Variants in HMCN1 observed in about 807,000 individuals in gnomAD.
HMCN1 encodes the protein hemicentin 1.
A neutral mutation model predicts 625.9 loss-of-function variants in HMCN1; 321 were observed. The observed-to-expected ratio is 0.51, with a 90% CI of 0.47 to 0.56. The LOEUF (loss-of-function observed/expected upper bound fraction) is 0.56, where lower values mean the gene tolerates loss of function less well. Among genes scored for constraint, HMCN1 ranks in the 20% least tolerant of loss-of-function variants. HMCN1 has a pLI of 0.00. For missense variants in HMCN1, 6,588 were observed against 6,887.3 expected, an observed-to-expected ratio of 0.96 and a Z score of 1.54; for synonymous variants, 2,425 against 2,417.6, an observed-to-expected ratio of 1.00 and a Z score of -0.09.
chr1:185,829,380 C>T (rs1660717815), intron 1 of HMCN1, among the ~76,000 whole-genome samples: 1 of 151,752 alleles, frequency 6.6e-6, no homozygotes, highest in South Asian at 2.1e-4. Flanking sequence ...CACCTATTGA[C>T]CTGTCTGTCC....
At chr1:185,831,093 A>T (rs1323802045) in intron 1 of HMCN1, among the ~76,000 whole-genome samples, 1 of 152,190 alleles carries the variant, frequency 6.6e-6, no homozygotes, top group Non-Finnish European at 1.5e-5. Flanking sequence ...AAAATTTAAT[A>T]ACATTTTCAA....
chr1:186,156,976 G>A (rs528757126), intron 97 of HMCN1, among the ~76,000 whole-genome samples: 11 of 152,150 alleles, frequency 7.2e-5, no homozygotes, highest in Middle Eastern at 3.4e-3. Flanking sequence ...CACACCCGTG[G>A]GTGATTATAA....
At chr1:185,815,505 G>C (rs1330849970) in intron 1 of HMCN1, among the ~76,000 whole-genome samples, 2 of 150,014 alleles carry the variant, frequency 1.3e-5, no homozygotes, top group Non-Finnish European at 2.9e-5. Context: ...AGGAAGATTT[G>C]TTGAATGAAA....
intron 1 of HMCN1, among the ~76,000 whole-genome samples, chr1:185,827,818 C>A (rs918445323): frequency 6.6e-6 from 1 of 151,504 alleles, no homozygotes; most frequent in African/African-American, 2.4e-5. Context: ...AAAACATATC[C>A]AAGTAAAATT....
chr1:185,928,729 T>C, intron 10 of HMCN1, 62 bp downstream of exon 10: 2 of 1,541,270 alleles, frequency 1.3e-6, no homozygotes, highest in East Asian at 2.3e-5. Context: ...AAATGGGATG[T>C]TTGTTAACCA....
intron 40 of HMCN1, 43 bp downstream of exon 40, chr1:186,041,179 T>G: frequency 6.4e-7 from 1 of 1,565,174 alleles, no homozygotes; most frequent in Non-Finnish European, 8.8e-7. Flanking sequence ...TAGAGATATG[T>G]TTGGGTCCTA....
At chr1:185,894,279 A>G (rs1213421065) in intron 4 of HMCN1, among the ~76,000 whole-genome samples, 1 of 151,516 alleles carries the variant, frequency 6.6e-6, no homozygotes, top group Admixed American at 6.5e-5. Flanking sequence ...CTTTTGTTCA[A>G]CATTAAGTTT....
intron 72 of HMCN1, 126 bp from the exon 73 acceptor site, chr1:186,113,852 AC>A: frequency 1.9e-6 from 2 of 1,035,404 alleles, no homozygotes; most frequent in Non-Finnish European, 3.0e-6. Context: ...ACTTATACTA[AC>A]CTAGATTCTT....
rs145020775 is a variant in HMCN1 at position 185,947,115 on chromosome 1, G to A, written c.1828+13291G>A. On this transcript the variant is annotated intron_variant, in intron 11 of 106. Transcript: ENST00000271588. ...ATATAACTGCCAAGATAGATTTTGC[G>A]TAGTTCTTTGCTTGGGTGTTTTGTT... Among the ~76,000 whole-genome samples, 115 of 152,246 alleles carry A rather than the reference G, an allele frequency of 7.6e-4. 1 individual carries two copies. The East Asian group carries it at 0.017, about 22-fold the overall frequency.
intron 78 of HMCN1, 90 bp from the exon 79 acceptor site, chr1:186,119,655 G>A: frequency 7.9e-7 from 1 of 1,271,142 alleles, no homozygotes; most frequent in Non-Finnish European, 1.1e-6. Flanking sequence ...TTAGAATTAT[G>A]AATTTGGGTA....
At chr1:185,860,169 T>C (rs1662777148) in intron 2 of HMCN1, among the ~76,000 whole-genome samples, 1 of 152,204 alleles carries the variant, frequency 6.6e-6, no homozygotes, top group African/African-American at 2.4e-5. Flanking sequence ...AATTATTAGT[T>C]AACATTTACT....
chr1:186,123,204 C>T lies in HMCN1; in HGVS notation c.12483C>T (p.Thr4161=), dbSNP rs764642395. ...ANVAGSSSTS[T]KLTVHVPPRI... ...TAGCAGGATCAAGCAGCACAAGCAC[C>T]AAGCTCACCGTCCATGGTAGGTTGT... The change falls in exon 81 of 107, where the codon ACC becomes ACT. Residue 4161 remains threonine (T), a synonymous_variant. Coordinates refer to ENST00000271588, the MANE Select transcript of HMCN1 (RefSeq NM_031935.3). 4 of 1,613,646 alleles carry T rather than the reference C, an allele frequency of 2.5e-6. No homozygotes were observed. Among genetic ancestry groups the T allele is most frequent in the Non-Finnish European group, 3.4e-6 (4 of 1,179,866 alleles).
rs772217025 is a variant in HMCN1 at position 185,984,208 on chromosome 1, A to T, written c.2830A>T (p.Ser944Cys). The change falls in exon 19 of 107, where the codon AGC (serine) becomes TGC (cysteine). Residue 944 changes from serine (S) to cysteine (C), a missense_variant. Ser to Cys is a moderately radical substitution (Grantham distance 112). This residue lies in a region of HMCN1 where 4,628 missense variants were observed against 4,853.1 expected (regional missense o/e 0.95). Coordinates refer to ENST00000271588, the MANE Select transcript of HMCN1 (RefSeq NM_031935.3). Reference protein sequence around the residue: ...NPYITVRSDGSLHIERVQLQD... With the variant: ...NPYITVRSDGCLHIERVQLQD... The stretch of plus-strand genomic sequence containing the variant: ...TTACATCACTGTGCGCAGTGATGGG[A>T]GCCTCCATATTGAAAGAGTTCAGCT... The T allele has an allele frequency of 1.9e-6, 3 of 1,613,148 alleles. No homozygotes were observed. The highest frequency in any genetic ancestry group is 1.7e-5 in the Admixed American group (1 of 59,962).
intron 80 of HMCN1, among the ~76,000 whole-genome samples, 154 bp from the exon 81 acceptor site, chr1:186,122,796 TC>T (rs1239519417): frequency 6.6e-6 from 1 of 152,182 alleles, no homozygotes; most frequent in African/African-American, 2.4e-5. Context: ...AATTTTTTGT[TC>T]CCATGAAAAA....
intron 8 of HMCN1, among the ~76,000 whole-genome samples, chr1:185,924,737 T>C (rs1204035412): frequency 6.6e-6 from 1 of 152,134 alleles, no homozygotes; most frequent in Non-Finnish European, 1.5e-5. Context: ...AAAATTGATA[T>C]ATTGTTGCTT....
At chr1:185,856,425 G>T (rs866061039) in intron 2 of HMCN1, among the ~76,000 whole-genome samples, 1 of 151,026 alleles carries the variant, frequency 6.6e-6, no homozygotes, top group African/African-American at 2.4e-5. Flanking sequence ...CAGAGGTGGA[G>T]TTGCGGTGAG....
chr1:186,016,855 C>G, intron 32 of HMCN1, 108 bp from the exon 33 acceptor site: 1 of 751,312 alleles, frequency 1.3e-6, no homozygotes, highest in Non-Finnish European at 2.5e-6. Flanking sequence ...TATCAAACCA[C>G]TATGATACCT....
At chr1:185,755,949 A>C (rs1434585625) in intron 1 of HMCN1, among the ~76,000 whole-genome samples, 2 of 152,008 alleles carry the variant, frequency 1.3e-5, no homozygotes, top group Non-Finnish European at 2.9e-5. Context: ...GTGGCTGTTT[A>C]CAGTTGTAAT....
At chr1:185,768,730 G>A (rs909238332) in intron 1 of HMCN1, among the ~76,000 whole-genome samples, 6 of 152,180 alleles carry the variant, frequency 3.9e-5, no homozygotes, top group African/African-American at 1.2e-4. Context: ...AGGATCACTT[G>A]AACACAGGAG....
Sources: allele counts gnomAD v4.1 joint callset (sites outside exome capture counted in the v4.1 genomes callset), GRCh38; gene constraint gnomAD v4.1.1; regional missense constraint gnomAD v4.1.1; transcripts MANE v1.5; gene names NCBI Gene and HGNC (gene_info 2026-07-23, HGNC 2026-07-21).